The following PHLPP2 variants were observed in gnomAD, a reference collection of about 807,000 sequenced individuals.
PHLPP2 encodes the protein PH domain leucine-rich repeat-containing protein phosphatase 2.
In PHLPP2, 66 loss-of-function variants were observed where a neutral mutation model predicts 124.9. That is an observed-to-expected ratio of 0.53 (90% confidence interval 0.43 to 0.65). PHLPP2 has a LOEUF of 0.65. PHLPP2 is among the 30% of genes least tolerant of loss of function. The pLI is 0.00. For synonymous variants in PHLPP2, 681 were observed against 624.7 expected, an observed-to-expected ratio of 1.09 and a Z score of -1.34; for missense variants, 1,685 against 1,600.4, an observed-to-expected ratio of 1.05 and a Z score of -0.90.
intron 9 of PHLPP2, among the ~76,000 whole-genome samples, chr16:71,673,981 TAC>T (rs2044918963): frequency 6.6e-6 from 1 of 152,186 alleles, no homozygotes; most frequent in African/African-American, 2.4e-5. Context: ...TAATCTAGTT[TAC>T]AGATACAGAA....
At chr16:71,691,457 T>G (rs1323603202) in intron 3 of PHLPP2, among the ~76,000 whole-genome samples, 1 of 137,910 alleles carries the variant, frequency 7.3e-6, no homozygotes, top group Admixed American at 7.6e-5. Flanking sequence ...CAAGACGCTG[T>G]CTCAAATAAA....
intron 2 of PHLPP2, among the ~76,000 whole-genome samples, chr16:71,703,193 C>A (rs2045247921): frequency 6.6e-6 from 1 of 152,092 alleles, no homozygotes; most frequent in Non-Finnish European, 1.5e-5. Flanking sequence ...TCAAGTTTTT[C>A]TTTAATATTC....
At chr16:71,662,584 C>T (rs2044801390) in intron 13 of PHLPP2, among the ~76,000 whole-genome samples, 1 of 152,086 alleles carries the variant, frequency 6.6e-6, no homozygotes, top group Non-Finnish European at 1.5e-5. Flanking sequence ...GGTAAATGTT[C>T]ATAAAAATTA....
At chr16:71,723,665 G>A (rs2045412829) in intron 1 of PHLPP2, 2 of 491,982 alleles carry the variant, frequency 4.1e-6, no homozygotes, top group Admixed American at 4.4e-5. Flanking sequence ...CTCAGCCACT[G>A]CGCGGGGCGG....
chr16:71,649,644 C>T lies in PHLPP2; in HGVS notation c.3218G>A (p.Ser1073Asn), dbSNP rs2044680971. ...GCTGAACTCAGAGGCAATCCCACTG[C>T]TAGAGGATGGAGTGGCTGGCTTAGG... Reference protein sequence around the residue: ...DAPKPATPSSSSGIASEFSSE... With the variant: ...DAPKPATPSSNSGIASEFSSE... Residue 1073 changes from serine to asparagine, a missense_variant, in exon 19 of 19, where the codon AGC becomes AAC. Transcript: ENST00000568954. The T allele has an allele frequency of 2.5e-6, 4 of 1,614,044 alleles. No homozygotes were observed. The highest frequency in any genetic ancestry group is 2.5e-6 in the Non-Finnish European group (3 of 1,180,030).
intron 3 of PHLPP2, among the ~76,000 whole-genome samples, chr16:71,700,665 A>T (rs989704156): frequency 6.6e-6 from 1 of 151,412 alleles, no homozygotes; most frequent in Non-Finnish European, 1.5e-5. Context: ...AGCTGGGACT[A>T]TAGGTGCCCG....
At chr16:71,662,521 T>G (rs996499929) in intron 13 of PHLPP2, among the ~76,000 whole-genome samples, 1 of 152,082 alleles carries the variant, frequency 6.6e-6, no homozygotes, top group Non-Finnish European at 1.5e-5. Flanking sequence ...TCACCTGAAC[T>G]CCAATCAAGT....
Position 71,652,884 on chromosome 16 carries a change from C to G in PHLPP2, c.2723G>C (p.Gly908Ala), listed in dbSNP as rs760220045. The change falls in exon 18 of 19, where the codon GGT becomes GCT. Residue 908 changes from glycine (G) to alanine (A), a missense_variant. By Grantham distance (60) the Gly-to-Ala change is moderately conservative (BLOSUM62 0). Coordinates refer to ENST00000568954, the MANE Select transcript of PHLPP2 (RefSeq NM_015020.3). The part of the protein sequence containing the change: ...VGTCQAVLCR[G>A]GKPVPLSKVF... The stretch of plus-strand genomic sequence containing the variant: ...TTTAGAGAGGGGCACTGGCTTCCCA[C>G]CTCGGCACAGGACTGCTTGGCACGT... 13 of 1,614,162 alleles carry G rather than the reference C, an allele frequency of 8.1e-6. No homozygotes were observed. Among genetic ancestry groups the G allele is most frequent in the Non-Finnish European group, 1.0e-5 (12 of 1,180,030 alleles).
chr16:71,675,629 G>A (rs961066105), intron 9 of PHLPP2, among the ~76,000 whole-genome samples: 13 of 152,180 alleles, frequency 8.5e-5, no homozygotes, highest in African/African-American at 2.4e-4. Context: ...CAATATGCAA[G>A]CAAACCACTG....
At chr16:71,719,951 C>T (rs951663585) in intron 1 of PHLPP2, among the ~76,000 whole-genome samples, 1 of 105,216 alleles carries the variant, frequency 9.5e-6, no homozygotes, top group Non-Finnish European at 2.0e-5. Context: ...GTGCACAACA[C>T]CATGCCCAGC....
At chr16:71,676,010 C>G (rs1305440668) in intron 9 of PHLPP2, among the ~76,000 whole-genome samples, 1 of 152,040 alleles carries the variant, frequency 6.6e-6, no homozygotes, top group Non-Finnish European at 1.5e-5. Flanking sequence ...CATGAGCCCC[C>G]ATGATTGGCC....
At chr16:71,719,534 T>A (rs980862913) in intron 1 of PHLPP2, among the ~76,000 whole-genome samples, 1 of 152,076 alleles carries the variant, frequency 6.6e-6, no homozygotes, top group Non-Finnish European at 1.5e-5. Context: ...AATGAGGCTA[T>A]CTCTCTAAAA....
intron 3 of PHLPP2, among the ~76,000 whole-genome samples, chr16:71,691,982 A>T (rs970163459): frequency 9.2e-5 from 14 of 152,136 alleles, no homozygotes; most frequent in African/African-American, 3.4e-4. Context: ...AACTAACTAT[A>T]CACAGAAATG....
At chr16:71,711,305 TG>T (rs2045322610) in intron 2 of PHLPP2, among the ~76,000 whole-genome samples, 1 of 149,840 alleles carries the variant, frequency 6.7e-6, no homozygotes, top group South Asian at 2.1e-4. Flanking sequence ...CACTCCAGCC[TG>T]GGCAACAAGA....
At chr16:71,689,385 C>CTTTTT (rs57755507) in intron 4 of PHLPP2, among the ~76,000 whole-genome samples, 14 of 62,542 alleles carry the variant, frequency 2.2e-4, no homozygotes, top group Non-Finnish European at 3.2e-4. Flanking sequence ...CTACACCTGG[C>CTTTTT]TTTTTTTTTT....
At chr16:71,723,688 C>T in intron 1 of PHLPP2, 1 of 618,590 alleles carries the variant, frequency 1.6e-6, no homozygotes, top group Non-Finnish European at 2.4e-6. Flanking sequence ...GCGGCAGCGG[C>T]CTCTAGCCTC....
At chr16:71,698,404 A>C (rs898674308) in intron 3 of PHLPP2, among the ~76,000 whole-genome samples, 1 of 152,160 alleles carries the variant, frequency 6.6e-6, no homozygotes. Context: ...GGCCTCAATC[A>C]TGTGCTCCTT....
At chr16:71,660,791 TG>T (rs2044782884) in intron 13 of PHLPP2, among the ~76,000 whole-genome samples, 1 of 152,134 alleles carries the variant, frequency 6.6e-6, no homozygotes, top group Admixed American at 6.6e-5. Context: ...TTATCCTGCC[TG>T]GATTTTTCTG....
At chr16:71,692,632 T>C (rs2045126427) in intron 3 of PHLPP2, among the ~76,000 whole-genome samples, 1 of 152,148 alleles carries the variant, frequency 6.6e-6, no homozygotes, top group Non-Finnish European at 1.5e-5. Flanking sequence ...TATTGGCAAG[T>C]GATTGATTCC....
Sources: gnomAD v4.1 joint callset for allele counts (sites outside exome capture counted in the v4.1 genomes callset) on GRCh38, gnomAD v4.1.1 for gene constraint, MANE v1.5 for transcripts, NCBI Gene and HGNC (gene_info 2026-07-23, HGNC 2026-07-21) for gene names.